EHD4: variants seen among roughly 807,000 people sequenced by gnomAD.
EHD4 encodes EH domain containing 4.
Under a neutral mutation model 51.0 loss-of-function variants are expected in EHD4, and 37 were observed. The observed-to-expected ratio is 0.73, with a 90% CI of 0.56 to 0.95. The LOEUF is 0.95. Ranked by LOEUF, EHD4 falls within the 40% of genes least tolerant of loss-of-function variation. The pLI is 0.00. For missense variants in EHD4, 632 were observed against 733.1 expected, an observed-to-expected ratio of 0.86 and a Z score of 1.59; for synonymous variants, 297 against 317.3, an observed-to-expected ratio of 0.94 and a Z score of 0.68.
At chr15:41,971,935 G>C (rs1219676774) in intron 1 of EHD4, among the ~76,000 whole-genome samples, 2 of 152,216 alleles carry the variant, frequency 1.3e-5, no homozygotes, top group Admixed American at 6.5e-5. Context: ...TCACTCCCTC[G>C]TCAAGAATAT....
Position 41,972,405 on chromosome 15 carries a change from C to T in EHD4, c.90G>A (p.Ser30=), listed in dbSNP as rs2068004511. The T allele has an allele frequency of 1.2e-6, 2 of 1,609,678 alleles. No individual in the cohort carries two copies. The highest frequency in any genetic ancestry group is 2.7e-5 in the African/African-American group (2 of 74,488). The part of the protein sequence containing the change: ...AVQTVTGGLR[S]LYLRKVLPLE... ...GCGGCAGCACCTTGCGCAGGTAGAG[C>T]GAGCGCAGCCCGCCCGTCACCGTCT... The change falls in exon 1 of 6, where the codon TCG becomes TCA. Residue 30 remains serine, a synonymous_variant. Coordinates refer to ENST00000220325, the MANE Select transcript of EHD4 (RefSeq NM_139265.4).
At chr15:41,944,537 G>A (rs897094522) in intron 2 of EHD4, among the ~76,000 whole-genome samples, 3 of 152,188 alleles carry the variant, frequency 2.0e-5, no homozygotes, top group African/African-American at 7.2e-5. Flanking sequence ...GGACACCACA[G>A]CCCTGGGTAT....
At chr15:41,972,234 G>C in intron 1 of EHD4, 25 bp downstream of exon 1, 1 of 1,516,164 alleles carries the variant, frequency 6.6e-7, no homozygotes, top group Non-Finnish European at 8.9e-7. Context: ...CGGGGCGGGA[G>C]CCGGGCGAGG....
rs200112443 is a variant in EHD4 at position 41,953,873 on chromosome 15, C to T, written c.304G>A (p.Ala102Thr). ...CCCTCAGTCTCTCCATACATCACGGCGATGAAGGAGTCTGTGGTGGGCTCC... is the reference window on the plus strand; with the variant it reads ...CCCTCAGTCTCTCCATACATCACGGTGATGAAGGAGTCTGTGGTGGGCTCC... ...GPEPTTDSFI[A>T]VMYGETEGST... Residue 102 changes from alanine to threonine, a missense_variant, in exon 2 of 6, where the codon GCC becomes ACC. Ala to Thr is a moderately conservative substitution (Grantham distance 58). Transcript: ENST00000220325. 18 of 1,613,892 alleles carry T rather than the reference C, an allele frequency of 1.1e-5. No homozygotes were observed. Among genetic ancestry groups the T allele is most frequent in the African/African-American group, 8.0e-5 (6 of 74,982 alleles).
chr15:41,943,742 A>G (rs1319932496), intron 2 of EHD4, among the ~76,000 whole-genome samples: 1 of 152,208 alleles, frequency 6.6e-6, no homozygotes, highest in African/African-American at 2.4e-5. Context: ...GAGAGCCCCA[A>G]GCTCCCTGCC....
intron 5 of EHD4, among the ~76,000 whole-genome samples, chr15:41,903,294 A>C (rs376171125): frequency 2.4e-4 from 35 of 147,180 alleles, no homozygotes; most frequent in South Asian, 1.7e-3. Flanking sequence ...AAAAAAAAAA[A>C]AACTTGGTGT....
intron 4 of EHD4, among the ~76,000 whole-genome samples, chr15:41,915,298 G>A (rs1704393): frequency 0.16 from 24,235 of 152,134 alleles, 2,369 homozygotes; most frequent in African/African-American, 0.27. Flanking sequence ...GGCTGGTCTC[G>A]AACTCCTGAC....
At chr15:41,902,081 C>G (rs1023651490) in intron 5 of EHD4, among the ~76,000 whole-genome samples, 1 of 152,194 alleles carries the variant, frequency 6.6e-6, no homozygotes, top group African/African-American at 2.4e-5. Flanking sequence ...TTGAGTGAGG[C>G]AGCCTGTCAG....
In EHD4 at chr15:41,900,785, C is replaced by G; in HGVS notation, c.1486G>C (p.Asp496His). ...AACTCCTCCTCATCAAGCATGCCGT[C>G]GCAGTCGCAGTCGGCCAGCTTCCAG... ...KIWKLADCDC[D>H]GMLDEEEFAL... The change falls in exon 6 of 6, where the codon GAC becomes CAC. Residue 496 changes from aspartate to histidine, a missense_variant. By Grantham distance (81) the Asp-to-His change is moderately conservative. Transcript: ENST00000220325. The surrounding 1 kb of genome is among the most constrained non-coding windows in gnomAD (Gnocchi z 4.8). 1 of 1,614,164 alleles carries G rather than the reference C, an allele frequency of 6.2e-7. No individual in the cohort carries two copies. The highest frequency in any genetic ancestry group is 8.5e-7 in the Non-Finnish European group (1 of 1,180,036).
chr15:41,960,412 C>T (rs1167989391), intron 1 of EHD4, among the ~76,000 whole-genome samples: 2 of 152,066 alleles, frequency 1.3e-5, no homozygotes, highest in African/African-American at 2.4e-5. Flanking sequence ...AACAATTTTG[C>T]ATCTTGATTT....
At chr15:41,939,938 A>C (rs535194819) in intron 3 of EHD4, among the ~76,000 whole-genome samples, 1 of 152,254 alleles carries the variant, frequency 6.6e-6, no homozygotes, top group African/African-American at 2.4e-5. Context: ...TACGGCTCCT[A>C]AACAGGAGAT....
At position 41,919,498 on chromosome 15, in the gene EHD4, GC is replaced by G; in HGVS notation, c.635del (p.Gly212AlafsTer10). ...GCACGACACGGATCTTGTCGTCCTG[GC>G]CCCGGAAGGCCTTGATGGCCTCTGA... The part of the protein sequence containing the change: ...EFSEAIKAFR[G>X]QDDKIRVVLN... On this transcript the variant is annotated frameshift_variant, in exon 4 of 6. Transcript: ENST00000220325. LOFTEE classifies it high-confidence loss of function. 6.4e-7 allele frequency: 1 copy of G among 1,551,674 alleles called. No individual in the cohort carries two copies. Among genetic ancestry groups the G allele is most frequent in the South Asian group, 1.3e-5 (1 of 79,812 alleles).
intron 4 of EHD4, 78 bp from the exon 5 acceptor site, chr15:41,909,941 C>T (rs1239147222): frequency 1.9e-6 from 3 of 1,564,004 alleles, no homozygotes; most frequent in Non-Finnish European, 2.6e-6. Flanking sequence ...TGCATCTTAA[C>T]TCCATCATAA....
intron 1 of EHD4, among the ~76,000 whole-genome samples, chr15:41,967,083 A>C (rs1367650284): frequency 1.3e-5 from 2 of 152,124 alleles, no homozygotes; most frequent in Admixed American, 6.5e-5. Flanking sequence ...ATCTAAACTT[A>C]TCATTATGCC....
chr15:41,924,570 C>G (rs1204809211), intron 3 of EHD4, among the ~76,000 whole-genome samples: 1 of 152,178 alleles, frequency 6.6e-6, no homozygotes, highest in Non-Finnish European at 1.5e-5. Flanking sequence ...TATCCAGTGC[C>G]TGGCATACAG....
intron 3 of EHD4, among the ~76,000 whole-genome samples, chr15:41,934,671 G>A (rs1165394666): frequency 6.6e-6 from 1 of 152,146 alleles, no homozygotes; most frequent in Non-Finnish European, 1.5e-5. Context: ...GGGGCTCACC[G>A]TGCTAGTCTT....
intron 3 of EHD4, among the ~76,000 whole-genome samples, chr15:41,933,089 G>T (rs889178173): frequency 1.3e-5 from 2 of 152,228 alleles, no homozygotes; most frequent in African/African-American, 4.8e-5. Flanking sequence ...CCCCATGCTG[G>T]GATTCAAGCT....
intron 1 of EHD4, among the ~76,000 whole-genome samples, chr15:41,956,703 C>T (rs1242881372): frequency 6.6e-6 from 1 of 152,144 alleles, no homozygotes; most frequent in Non-Finnish European, 1.5e-5. Flanking sequence ...AAGGTGTCCC[C>T]CTTTGACTGT....
chr15:41,930,818 G>A (rs904390984), intron 3 of EHD4, among the ~76,000 whole-genome samples: 4 of 152,182 alleles, frequency 2.6e-5, no homozygotes, highest in Admixed American at 6.5e-5. Context: ...GAATCCACAC[G>A]GGGCTCCTTA....
Sources: gnomAD v4.1 joint callset for allele counts (sites outside exome capture counted in the v4.1 genomes callset) on GRCh38, gnomAD v4.1.1 for gene constraint, Gnocchi (gnomAD v3.1) non-coding constraint, MANE v1.5 for transcripts, NCBI Gene and HGNC (gene_info 2026-07-23, HGNC 2026-07-21) for gene names.